DPY19L3: variants seen among roughly 807,000 people sequenced by gnomAD.
The protein encoded by DPY19L3 is protein C-mannosyl-transferase DPY19L3.
DPY19L3 carries 51 observed loss-of-function variants against 92.3 expected under a neutral mutation model. The ratio of observed to expected loss-of-function variants is 0.55; its 90% CI spans 0.44 to 0.70. The LOEUF (loss-of-function observed/expected upper bound fraction) is 0.70. Among genes scored for constraint, DPY19L3 ranks in the 30% least tolerant of loss-of-function variants. DPY19L3 has a pLI of 0.00. For synonymous variants in DPY19L3, 309 were observed against 315.2 expected (o/e 0.98, Z 0.21); for missense variants, 706 against 855.9 (o/e 0.82, Z 2.18).
At position 32,411,233 on chromosome 19, in the gene DPY19L3, C is replaced by T; in HGVS notation, c.104-6C>T. 1.3e-6 allele frequency: 2 copies of T among 1,598,264 alleles called. No homozygotes were observed. The highest frequency in any genetic ancestry group is 1.7e-6 in the Non-Finnish European group (2 of 1,175,812). On this transcript the variant is annotated splice_region_variant and splice_polypyrimidine_tract_variant and intron_variant, in intron 2 of 18. Transcript: ENST00000392250. ...TAGTTATTTATCTGTTCCATTTTTCCAAAAGGTTGTACCAGTAGAAGATTA... is the reference window on the plus strand; with the variant it reads ...TAGTTATTTATCTGTTCCATTTTTCTAAAAGGTTGTACCAGTAGAAGATTA...
intron 3 of DPY19L3, among the ~76,000 whole-genome samples, chr19:32,413,423 T>C (rs1310149406): frequency 6.6e-6 from 1 of 150,524 alleles, no homozygotes; most frequent in East Asian, 2.0e-4. Flanking sequence ...CAAATTATCA[T>C]AGTACCAAAG....
At position 32,483,575 on chromosome 19, in the gene DPY19L3, T is replaced by C. The variant is rs1361913679; in HGVS notation, c.*1335T>C. On this transcript the variant is annotated 3_prime_UTR_variant, in exon 19 of 19. Transcript: ENST00000392250. Reference sequence around the variant, plus strand: ...AAGTAAATTACCATAGGCATCAAGATGGCTGCATCACATTTTCAAATGATT... The same window carrying C: ...AAGTAAATTACCATAGGCATCAAGACGGCTGCATCACATTTTCAAATGATT... The C allele has an allele frequency of 6.6e-6, 1 of 152,632 alleles. No individual in the cohort carries two copies. The highest frequency in any genetic ancestry group is 2.4e-5 in the African/African-American group (1 of 41,456). 9.5% of individuals were successfully genotyped at this position (152,632 alleles called of 1,614,324 possible).
chr19:32,416,388 A>G (rs146278505), intron 3 of DPY19L3, among the ~76,000 whole-genome samples: 2,466 of 152,252 alleles, frequency 0.016, 60 homozygotes, highest in African/African-American at 0.057. Flanking sequence ...CCAGCTATCC[A>G]CCGTTAGGCC....
In DPY19L3 at chr19:32,437,274, C is replaced by T; in HGVS notation, c.531C>T (p.Thr177=). 1 of 1,614,140 alleles carries T rather than the reference C, an allele frequency of 6.2e-7. No homozygotes were observed. Among genetic ancestry groups the T allele is most frequent in the Non-Finnish European group, 8.5e-7 (1 of 1,180,016 alleles). The change falls in exon 6 of 19, where the codon ACC becomes ACT. Residue 177 remains threonine, a synonymous_variant. Coordinates refer to ENST00000392250, the MANE Select transcript of DPY19L3 (RefSeq NM_001172774.2). The part of the protein sequence containing the change: ...QAIYVTALYI[T]SWLLSGTWLS... ...TCTATGTCACAGCTCTCTACATAAC[C>T]AGCTGGCTACTCAGTGGTACATGGC...
At chr19:32,418,192 C>A (rs933000368) in intron 3 of DPY19L3, among the ~76,000 whole-genome samples, 4 of 152,254 alleles carry the variant, frequency 2.6e-5, no homozygotes, top group Admixed American at 2.0e-4. Context: ...CTGAAACTTA[C>A]AATTGAGCTC....
At chr19:32,452,220 A>G (rs147736484) in intron 8 of DPY19L3, among the ~76,000 whole-genome samples, 2 of 152,334 alleles carry the variant, frequency 1.3e-5, no homozygotes, top group East Asian at 1.9e-4. Context: ...TTCACGATGA[A>G]CCATTTAGGT....
chr19:32,452,996 C>G (rs553513484), intron 8 of DPY19L3, 149 bp from the exon 9 acceptor site: 1 of 905,718 alleles, frequency 1.1e-6, no homozygotes. Context: ...TGTGAGCCAC[C>G]GCGCCTGGCC....
chr19:32,422,629 A>AACACAC (rs66481682), intron 3 of DPY19L3, among the ~76,000 whole-genome samples: 25,546 of 146,654 alleles, frequency 0.17, 2,289 homozygotes, highest in Middle Eastern at 0.23. Context: ...AATCAGGAAA[A>AACACAC]ACACACACAC....
chr19:32,416,959 A>G (rs1424434808), intron 3 of DPY19L3, among the ~76,000 whole-genome samples: 1 of 152,302 alleles, frequency 6.6e-6, no homozygotes, highest in East Asian at 1.9e-4. Context: ...GCCAGCCCCA[A>G]TCCTGAGTCA....
chr19:32,444,172 A>G (rs2145519678), intron 8 of DPY19L3, among the ~76,000 whole-genome samples: 1 of 151,268 alleles, frequency 6.6e-6, no homozygotes, highest in African/African-American at 2.5e-5. Context: ...TAAGGCAGCC[A>G]TCATAAAAAA....
At chr19:32,460,239 GAAAAAA>G (rs949811248) in intron 12 of DPY19L3, among the ~76,000 whole-genome samples, 2 of 147,426 alleles carry the variant, frequency 1.4e-5, no homozygotes, top group Non-Finnish European at 3.0e-5. Flanking sequence ...CATCTCTACG[GAAAAAA>G]AAAAGAAAAA....
At chr19:32,432,628 GT>G (rs1178791203) in intron 3 of DPY19L3, 87 bp from the exon 4 acceptor site, 1 of 1,090,978 alleles carries the variant, frequency 9.2e-7, no homozygotes, top group East Asian at 2.5e-5. Context: ...TCTCTTTCAA[GT>G]TGCAGTTATG....
chr19:32,451,745 T>G (rs111250843), intron 8 of DPY19L3, among the ~76,000 whole-genome samples: 166 of 152,286 alleles, frequency 1.1e-3, no homozygotes, highest in African/African-American at 3.6e-3. Flanking sequence ...GTGTTTTGCT[T>G]CTTTTGGTAT....
intron 3 of DPY19L3, among the ~76,000 whole-genome samples, chr19:32,429,282 G>A (rs1033721794): frequency 1.3e-5 from 2 of 152,220 alleles, no homozygotes; most frequent in Admixed American, 1.3e-4. Flanking sequence ...GTATTTGTTC[G>A]TTTTGCATTC....
intron 8 of DPY19L3, among the ~76,000 whole-genome samples, chr19:32,448,740 A>C (rs573327942): frequency 6.6e-6 from 1 of 152,242 alleles, no homozygotes; most frequent in East Asian, 1.9e-4. Context: ...GGCAGAAGAA[A>C]ATCTATGTAT....
At chr19:32,462,758 G>A (rs1016599742) in intron 12 of DPY19L3, among the ~76,000 whole-genome samples, 2 of 152,140 alleles carry the variant, frequency 1.3e-5, no homozygotes, top group Non-Finnish European at 2.9e-5. Context: ...TCCTGATTCA[G>A]AGAAACCTGA....
chr19:32,447,720 C>CATAGATAGATAGATAGATAG (rs56116714), intron 8 of DPY19L3, among the ~76,000 whole-genome samples: 11 of 131,728 alleles, frequency 8.4e-5, no homozygotes, highest in South Asian at 2.7e-4. Flanking sequence ...CCGTCTCATT[C>CATAGATAGATAGATAGATAG]ATAGATAGAT....
chr19:32,462,560 T>C (rs1342305166), intron 12 of DPY19L3, among the ~76,000 whole-genome samples: 1 of 152,030 alleles, frequency 6.6e-6, no homozygotes, highest in Non-Finnish European at 1.5e-5. Flanking sequence ...TAATTACAAG[T>C]TTACAAGAAG....
At chr19:32,428,008 A>G (rs890025294) in intron 3 of DPY19L3, 18 of 123,570 alleles carry the variant, frequency 1.5e-4, no homozygotes, top group Non-Finnish European at 2.6e-4. Flanking sequence ...GTTTCACTCC[A>G]TCACCCAGGC....
Sources: allele counts gnomAD v4.1 joint callset (sites outside exome capture counted in the v4.1 genomes callset), GRCh38; gene constraint gnomAD v4.1.1; transcripts MANE v1.5; gene names NCBI Gene and HGNC (gene_info 2026-07-23, HGNC 2026-07-21).